PHACTR3: variants seen among roughly 807,000 people sequenced by gnomAD.
PHACTR3 encodes the protein phosphatase and actin regulator 3.
A neutral mutation model predicts 66.8 loss-of-function variants in PHACTR3; 16 were observed. The ratio of observed to expected loss-of-function variants is 0.24; its 90% CI spans 0.16 to 0.36. The LOEUF (loss-of-function observed/expected upper bound fraction) is 0.36. Among genes scored for constraint, PHACTR3 ranks in the 10% least tolerant of loss-of-function variants. The pLI, the probability that PHACTR3 is intolerant of heterozygous loss-of-function variation, is 1.00. For synonymous variants in PHACTR3, 323 were observed against 292.1 expected (o/e 1.11, Z -1.08); for missense variants, 647 against 719.9 (o/e 0.90, Z 1.16).
chr20:59,806,030 G>A lies in PHACTR3; in HGVS notation c.1175-11G>A. The A allele has an allele frequency of 6.2e-7, 1 of 1,612,100 alleles. No individual in the cohort carries two copies. Among genetic ancestry groups the A allele is most frequent in the South Asian group, 1.1e-5 (1 of 90,854 alleles). On this transcript the variant is annotated splice_polypyrimidine_tract_variant and intron_variant, in intron 7 of 12. Coordinates refer to ENST00000371015, the MANE Select transcript of PHACTR3 (RefSeq NM_080672.5). ...TCCCTTCTCTCCTCTTGCCCTGGATGGGGCTTTTAGGAACACTGCCACGGA... is the reference window on the plus strand; with the variant it reads ...TCCCTTCTCTCCTCTTGCCCTGGATAGGGCTTTTAGGAACACTGCCACGGA...
In PHACTR3 at chr20:59,736,290, G is replaced by C. The variant is rs1165591114; in HGVS notation, c.119-6817G>C. Among the ~76,000 whole-genome samples the C allele has an allele frequency of 6.6e-6, 1 of 152,108 alleles. No homozygotes were observed. The highest frequency in any genetic ancestry group is 1.5e-5 in the Non-Finnish European group (1 of 68,020). On this transcript the variant is annotated intron_variant, in intron 1 of 12. Transcript: ENST00000371015. The surrounding 1 kb of genome is among the most constrained non-coding windows in gnomAD (Gnocchi z 4.6). ...CACTACTGTTATTCAGAGGCTGGGG[G>C]GTGGCTGCTAATGTGTTTGCACCTT...
chr20:59,795,396 TGG>T (rs1468579428), intron 7 of PHACTR3, among the ~76,000 whole-genome samples: 1 of 7,668 alleles, frequency 1.3e-4, no homozygotes, highest in East Asian at 0.042. Flanking sequence ...ATTTGTTTTC[TGG>T]CCTAATATAT....
At chr20:59,622,991 A>AAAAAAAAAAAAAAAAAAAAAAC in intron 1 of PHACTR3, among the ~76,000 whole-genome samples, 1 of 142,102 alleles carries the variant, frequency 7.0e-6, no homozygotes, top group Non-Finnish European at 1.5e-5. Flanking sequence ...CAAAAAAAAA[A>AAAAAAAAAAAAAAAAAAAAAAC]AAAAAAAAAA....
chr20:59,808,581 A>G (rs1162330832), intron 8 of PHACTR3, among the ~76,000 whole-genome samples: 2 of 152,128 alleles, frequency 1.3e-5, no homozygotes, highest in Non-Finnish European at 2.9e-5. Context: ...GGAGGGAGAG[A>G]CAGTGCCCCA....
intron 7 of PHACTR3, among the ~76,000 whole-genome samples, chr20:59,776,443 T>TTGGCACAGGGCC (rs2040540107): frequency 6.6e-6 from 1 of 152,162 alleles, no homozygotes; most frequent in Admixed American, 6.5e-5. Context: ...ATGTCAGCCC[T>TTGGCACAGGGCC]TGGCACAGGG....
chr20:59,746,125 G>C (rs1260588411), intron 2 of PHACTR3, among the ~76,000 whole-genome samples: 1 of 152,166 alleles, frequency 6.6e-6, no homozygotes, highest in African/African-American at 2.4e-5. Flanking sequence ...TTGGAAATTG[G>C]GACCACAGAA....
At chr20:59,716,237 TGTGTGTGTGTGTGTG>T (rs1279079040) in intron 1 of PHACTR3, among the ~76,000 whole-genome samples, 1 of 150,666 alleles carries the variant, frequency 6.6e-6, no homozygotes, top group African/African-American at 2.4e-5. Flanking sequence ...TGTGTGTGTG[TGTGTGTGTGTGTGTG>T]TGTGTGTGTG....
At chr20:59,771,401 C>T (rs538906160) in intron 5 of PHACTR3, among the ~76,000 whole-genome samples, 117 of 152,230 alleles carry the variant, frequency 7.7e-4, no homozygotes, top group African/African-American at 2.6e-3. Flanking sequence ...GGGGATGGGT[C>T]TCCCTGCAGC....
intron 1 of PHACTR3, among the ~76,000 whole-genome samples, chr20:59,664,460 T>G (rs1251798151): frequency 6.6e-6 from 1 of 152,098 alleles, no homozygotes; most frequent in Non-Finnish European, 1.5e-5. Flanking sequence ...CAGGGCTGCT[T>G]CTCGTAGCCG....
chr20:59,775,157 T>A (rs2040491511), intron 7 of PHACTR3, among the ~76,000 whole-genome samples: 1 of 93,182 alleles, frequency 1.1e-5, no homozygotes, highest in Non-Finnish European at 2.9e-5. Flanking sequence ...CAGACCACCC[T>A]GTGATGAAGG....
chr20:59,657,437 A>G (rs1232462027), intron 1 of PHACTR3, among the ~76,000 whole-genome samples: 1 of 152,018 alleles, frequency 6.6e-6, no homozygotes, highest in African/African-American at 2.4e-5. Context: ...GTTTGGTGTC[A>G]CTTGATTTCA....
chr20:59,591,389 C>T (rs1250574294), intron 1 of PHACTR3, among the ~76,000 whole-genome samples: 1 of 152,190 alleles, frequency 6.6e-6, no homozygotes, highest in Non-Finnish European at 1.5e-5. Flanking sequence ...CACTCATCTC[C>T]CAGCTCTGGC....
intron 1 of PHACTR3, among the ~76,000 whole-genome samples, chr20:59,636,597 T>C (rs2034909615): frequency 6.6e-6 from 1 of 152,214 alleles, no homozygotes; most frequent in South Asian, 2.1e-4. Flanking sequence ...TGTGAGGCTC[T>C]GGACAAAGTT....
upstream of PHACTR3, among the ~76,000 whole-genome samples, chr20:59,602,049 T>C (rs147059980): frequency 8.3e-4 from 127 of 152,322 alleles, no homozygotes; most frequent in African/African-American, 2.9e-3. Flanking sequence ...TTGGCTTAGA[T>C]AGAAAGTTCC....
chr20:59,693,646 T>C (rs1335752392), intron 1 of PHACTR3, among the ~76,000 whole-genome samples: 4 of 152,228 alleles, frequency 2.6e-5, no homozygotes, highest in African/African-American at 9.6e-5. Context: ...TTCCAGAATT[T>C]AGCTTGTGAT....
intron 11 of PHACTR3, 107 bp from the exon 12 acceptor site, chr20:59,845,082 A>G: frequency 1.4e-6 from 1 of 695,666 alleles, no homozygotes. Context: ...TCTGTATATT[A>G]CATAATAGAG....
chr20:59,676,815 C>G, intron 1 of PHACTR3: 1 of 852,204 alleles, frequency 1.2e-6, no homozygotes, highest in Non-Finnish European at 1.4e-6. Flanking sequence ...AGGGACTCTG[C>G]TTAGGGAGCA....
chr20:59,641,147 C>G (rs1359282849), intron 1 of PHACTR3, among the ~76,000 whole-genome samples: 1 of 152,040 alleles, frequency 6.6e-6, no homozygotes, highest in Non-Finnish European at 1.5e-5. Flanking sequence ...ATCTATCTAC[C>G]AATCCATCCA....
At chr20:59,707,910 TTTC>T (rs2037771388) in intron 1 of PHACTR3, among the ~76,000 whole-genome samples, 1 of 152,236 alleles carries the variant, frequency 6.6e-6, no homozygotes, top group African/African-American at 2.4e-5. Flanking sequence ...ATAAACCTCT[TTTC>T]TTTATAAATT....
Sources: allele counts gnomAD v4.1 joint callset (sites outside exome capture counted in the v4.1 genomes callset), GRCh38; gene constraint gnomAD v4.1.1; non-coding constraint Gnocchi (gnomAD v3.1); transcripts MANE v1.5; gene names NCBI Gene and HGNC (gene_info 2026-07-23, HGNC 2026-07-21).